DIP2C: variants seen among roughly 807,000 people sequenced by gnomAD.
DIP2C encodes the protein disco-interacting protein 2 homolog C.
A neutral mutation model predicts 192.4 loss-of-function variants in DIP2C; 33 were observed. The observed-to-expected ratio is 0.17, with a 90% CI of 0.13 to 0.23. DIP2C has a LOEUF of 0.23. Ranked by LOEUF, DIP2C falls within the 10% of genes least tolerant of loss-of-function variation. The pLI is 1.00. For synonymous variants in DIP2C, 979 were observed against 864.1 expected (o/e 1.13, Z -2.33); for missense variants, 1,537 against 2,110.1 (o/e 0.73, Z 5.32).
intron 29 of DIP2C, chr10:340,883 A>ACCATCG: frequency 2.1e-6 from 1 of 478,750 alleles, no homozygotes; most frequent in Non-Finnish European, 4.1e-6. Flanking sequence ...CAGGCCCAGC[A>ACCATCG]CCATCGCCAG....
At chr10:593,867 G>GGGACTC (rs1438819227) in intron 1 of DIP2C, among the ~76,000 whole-genome samples, 2 of 152,174 alleles carry the variant, frequency 1.3e-5, no homozygotes, top group African/African-American at 4.8e-5. Flanking sequence ...GCAGGTAAAG[G>GGGACTC]GGACTCGAAT....
intron 2 of DIP2C, among the ~76,000 whole-genome samples, chr10:481,748 G>A (rs76228710): frequency 0.037 from 5,612 of 152,294 alleles, 273 homozygotes; most frequent in African/African-American, 0.11. Flanking sequence ...ACACGGTGGC[G>A]TCTGCCCTCA....
rs574727680 is a variant in DIP2C at position 466,178 on chromosome 10, T to C, written c.268+6261A>G. On this transcript the variant is annotated intron_variant, in intron 3 of 36. Coordinates refer to ENST00000280886, the MANE Select transcript of DIP2C (RefSeq NM_014974.3). ...AGTAACCAAAACAGCATGGTACTGGTACCAAAACAGAGATATAGATCAATG... is the reference window on the plus strand; with the variant it reads ...AGTAACCAAAACAGCATGGTACTGGCACCAAAACAGAGATATAGATCAATG... Among the ~76,000 whole-genome samples, 433 of 151,872 alleles carry C rather than the reference T, an allele frequency of 2.9e-3. 2 individuals are homozygous for C. The highest frequency in any genetic ancestry group is 5.1e-3 in the East Asian group (26 of 5,148).
At position 341,216 on chromosome 10, in the gene DIP2C, G is replaced by T. The variant is rs745552036; in HGVS notation, c.3567C>A (p.Val1189=). The change falls in exon 29 of 37, where the codon GTC becomes GTA. Residue 1189 remains valine, a synonymous_variant. Coordinates refer to ENST00000280886, the MANE Select transcript of DIP2C (RefSeq NM_014974.3). ...CLDPYCGLGF[V]LWCLCSVYSG... is the part of the protein sequence containing the mutation. ...CATCTTACCTGCAGAGGCACCAGAG[G>T]ACAAATCCCAGTCCACAGTAAGGGT... is the stretch of plus-strand genomic sequence containing the variant. The T allele has an allele frequency of 1.2e-6, 2 of 1,614,038 alleles. No individual in the cohort carries two copies. The highest frequency in any genetic ancestry group is 4.5e-5 in the East Asian group (2 of 44,888).
intron 3 of DIP2C, among the ~76,000 whole-genome samples, chr10:444,391 T>C (rs1247120627): frequency 8.5e-6 from 1 of 117,362 alleles, no homozygotes; most frequent in Admixed American, 7.6e-5. Context: ...CCACTGTTCA[T>C]TCATGAGGAG....
At chr10:491,188 C>T (rs932191046) in intron 1 of DIP2C, among the ~76,000 whole-genome samples, 5 of 152,296 alleles carry the variant, frequency 3.3e-5, no homozygotes, top group East Asian at 1.9e-4. Flanking sequence ...ACTTGGGAGC[C>T]GCGTGACCCT....
intron 29 of DIP2C, among the ~76,000 whole-genome samples, chr10:335,317 C>A (rs761854496): frequency 2.6e-5 from 4 of 152,188 alleles, no homozygotes; most frequent in African/African-American, 9.7e-5. Flanking sequence ...TGACCTGATG[C>A]GTAATCCCAG....
chr10:666,804 G>C lies in DIP2C; in HGVS notation c.85+22690C>G, dbSNP rs1226170747. The C allele has an allele frequency of 2.0e-5, 3 of 152,240 alleles. No individual in the cohort carries two copies. In the South Asian group the frequency reaches 6.2e-4, roughly 31 times the overall value. 9.4% of individuals were successfully genotyped at this position (152,240 alleles called of 1,614,324 possible). ...GGCCTGCCTACTTCCCCAGGCCTAC[G>C]GGGACAGATGTAGCTCCCCAGGAAA... On this transcript the variant is annotated intron_variant, in intron 1 of 36. Coordinates refer to ENST00000280886, the MANE Select transcript of DIP2C (RefSeq NM_014974.3). This position sits in a 1 kb window ranked among gnomAD's most constrained non-coding sequence, Gnocchi z 4.1.
At chr10:569,151 A>T (rs919817888) in intron 1 of DIP2C, among the ~76,000 whole-genome samples, 1 of 152,226 alleles carries the variant, frequency 6.6e-6, no homozygotes, top group African/African-American at 2.4e-5. Flanking sequence ...TACACTTCAA[A>T]GTTTTAACAA....
At chr10:357,727 A>G in intron 23 of DIP2C, 101 bp downstream of exon 23, 1 of 818,248 alleles carries the variant, frequency 1.2e-6, no homozygotes, top group South Asian at 1.7e-5. Flanking sequence ...CTGTCAGGGA[A>G]GGTAGGGGAC....
chr10:529,178 C>T (rs1847235195), intron 1 of DIP2C, among the ~76,000 whole-genome samples: 1 of 152,234 alleles, frequency 6.6e-6, no homozygotes, highest in African/African-American at 2.4e-5. Flanking sequence ...TAGATGGGAA[C>T]TGGGACACTG....
At chr10:368,440 A>G (rs965717380) in intron 18 of DIP2C, among the ~76,000 whole-genome samples, 11 of 152,194 alleles carry the variant, frequency 7.2e-5, no homozygotes, top group African/African-American at 2.7e-4. Flanking sequence ...GGCTGGACAC[A>G]GGGGCTAGAG....
chr10:650,344 C>A (rs1414653964), intron 1 of DIP2C: 1 of 717,326 alleles, frequency 1.4e-6, no homozygotes, highest in African/African-American at 1.7e-5. Context: ...ACAGCCACTG[C>A]AAGCCCCAGA....
chr10:472,609 T>C, intron 2 of DIP2C, 60 bp from the exon 3 acceptor site: 1 of 367,310 alleles, frequency 2.7e-6, no homozygotes, highest in South Asian at 7.9e-5. Context: ...GTCAGCAGAC[T>C]CTAACAAATC....
chr10:365,832 G>A (rs763984371), intron 19 of DIP2C, among the ~76,000 whole-genome samples: 21 of 152,138 alleles, frequency 1.4e-4, no homozygotes, highest in Non-Finnish European at 2.1e-4. Flanking sequence ...GTTCATACCT[G>A]GCCACATCTA....
Position 412,347 on chromosome 10 carries a change from C to T in DIP2C, c.1057+1566G>A, listed in dbSNP as rs569616893. On this transcript the variant is annotated intron_variant, in intron 8 of 36. Transcript: ENST00000280886. ...GCTCCTGGAATTCCCCGCATGTAGGCGGGGAGGCCTCAGAGGCCATCAGCT... is the reference window on the plus strand; with the variant it reads ...GCTCCTGGAATTCCCCGCATGTAGGTGGGGAGGCCTCAGAGGCCATCAGCT... Among the ~76,000 whole-genome samples, 4 of 152,290 alleles carry T rather than the reference C, an allele frequency of 2.6e-5. No homozygotes were observed. The South Asian group carries it at 6.2e-4, about 24-fold the overall frequency.
chr10:311,528 G>A, intron 31 of DIP2C: 1 of 1,232,424 alleles, frequency 8.1e-7, no homozygotes, highest in South Asian at 4.1e-5. Flanking sequence ...GGACAGGAAA[G>A]TCCCCTACCT....
chr10:597,733 G>A (rs1034750116), intron 1 of DIP2C, among the ~76,000 whole-genome samples: 1 of 152,168 alleles, frequency 6.6e-6, no homozygotes, highest in Admixed American at 6.5e-5. Context: ...AACTACTTCT[G>A]TCCCTTCATG....
At chr10:408,154 C>T (rs962993370) in intron 9 of DIP2C, among the ~76,000 whole-genome samples, 3 of 150,356 alleles carry the variant, frequency 2.0e-5, no homozygotes, top group Admixed American at 1.3e-4. Context: ...CCTTCATTCT[C>T]TTGCAGGTGG....
Sources: gnomAD v4.1 joint callset for allele counts (sites outside exome capture counted in the v4.1 genomes callset) on GRCh38, gnomAD v4.1.1 for gene constraint, Gnocchi (gnomAD v3.1) non-coding constraint, MANE v1.5 for transcripts, NCBI Gene and HGNC (gene_info 2026-07-23, HGNC 2026-07-21) for gene names.